The following PLXDC2 variants were observed in gnomAD, a reference collection of about 807,000 sequenced individuals.
The protein encoded by PLXDC2 is plexin domain containing 2, also known as plexin domain-containing protein 2.
Under a neutral mutation model 68.9 loss-of-function variants are expected in PLXDC2, and 40 were observed. The observed-to-expected ratio is 0.58, with a 90% CI of 0.45 to 0.76. The LOEUF is 0.76. PLXDC2 is among the 30% of genes least tolerant of loss of function. The pLI is 0.00. For missense variants in PLXDC2, 644 were observed against 661.9 expected (o/e 0.97, Z 0.30); for synonymous variants, 243 against 234.2 (o/e 1.04, Z -0.34).
At chr10:20,244,715 T>C (rs974850513) in intron 12 of PLXDC2, among the ~76,000 whole-genome samples, 1 of 152,212 alleles carries the variant, frequency 6.6e-6, no homozygotes, top group African/African-American at 2.4e-5. Flanking sequence ...TTTGGTGGTT[T>C]AATGAGAAAA....
chr10:20,058,082 T>C (rs1252282228), intron 3 of PLXDC2, among the ~76,000 whole-genome samples: 2 of 152,160 alleles, frequency 1.3e-5, no homozygotes, highest in Non-Finnish European at 2.9e-5. Context: ...AAACAGCAAT[T>C]GAATTTTGAA....
chr10:19,872,304 C>G (rs191024604), intron 1 of PLXDC2, among the ~76,000 whole-genome samples: 34 of 152,262 alleles, frequency 2.2e-4, no homozygotes, highest in Admixed American at 4.6e-4. Flanking sequence ...CACCTCAAAG[C>G]AGGATTGAAA....
chr10:20,199,381 T>C (rs1834887370), intron 9 of PLXDC2, among the ~76,000 whole-genome samples: 2 of 151,968 alleles, frequency 1.3e-5, no homozygotes, highest in African/African-American at 4.8e-5. Flanking sequence ...CATTTTTATG[T>C]AGCATAATTC....
At chr10:20,048,581 C>T (rs1299453551) in intron 3 of PLXDC2, among the ~76,000 whole-genome samples, 2 of 152,074 alleles carry the variant, frequency 1.3e-5, no homozygotes, top group African/African-American at 4.8e-5. Context: ...AAATATACTT[C>T]GTGGAATTTT....
intron 4 of PLXDC2, among the ~76,000 whole-genome samples, chr10:20,138,928 A>G (rs1360627645): frequency 6.6e-6 from 1 of 152,160 alleles, no homozygotes; most frequent in Non-Finnish European, 1.5e-5. Context: ...AAAAAAAACA[A>G]AAAGGAATAT....
At chr10:19,835,227 A>G (rs964903611) in intron 1 of PLXDC2, among the ~76,000 whole-genome samples, 1 of 152,194 alleles carries the variant, frequency 6.6e-6, no homozygotes, top group African/African-American at 2.4e-5. Flanking sequence ...CACCGCACCC[A>G]GACAGGTTTT....
chr10:20,159,096 A>G (rs768993167), intron 6 of PLXDC2, among the ~76,000 whole-genome samples: 3 of 152,182 alleles, frequency 2.0e-5, no homozygotes, highest in Non-Finnish European at 4.4e-5. Flanking sequence ...AATGGAGAAC[A>G]TTTGAAGCCA....
chr10:20,049,774 T>C (rs1487341533), intron 3 of PLXDC2, among the ~76,000 whole-genome samples: 2 of 152,132 alleles, frequency 1.3e-5, no homozygotes, highest in Non-Finnish European at 2.9e-5. Context: ...ATCATTAAAA[T>C]GGTCATACTG....
At chr10:20,046,756 T>G in intron 2 of PLXDC2, 113 bp from the exon 3 acceptor site, 1 of 1,057,524 alleles carries the variant, frequency 9.5e-7, no homozygotes, top group Non-Finnish European at 1.3e-6. Context: ...TATAGTTAAA[T>G]CATTTTGCTC....
intron 2 of PLXDC2, among the ~76,000 whole-genome samples, chr10:20,032,632 A>G (rs772877707): frequency 1.9e-4 from 29 of 152,160 alleles, no homozygotes; most frequent in Middle Eastern, 3.4e-3. Context: ...AAAAATTTTG[A>G]TAACTACAAG....
intron 1 of PLXDC2, among the ~76,000 whole-genome samples, chr10:19,851,925 G>T (rs564739921): frequency 1.3e-5 from 2 of 152,284 alleles, no homozygotes; most frequent in South Asian, 4.2e-4. Flanking sequence ...GTAAGGAGCA[G>T]TGATTTTAAT....
intron 9 of PLXDC2, among the ~76,000 whole-genome samples, chr10:20,198,047 G>C (rs74400184): frequency 8.6e-5 from 13 of 152,000 alleles, no homozygotes; most frequent in African/African-American, 2.9e-4. Flanking sequence ...CTGTCCTAAA[G>C]GTGGGTGCTG....
intron 13 of PLXDC2, among the ~76,000 whole-genome samples, chr10:20,278,883 G>A (rs778664876): frequency 6.6e-5 from 10 of 152,190 alleles, no homozygotes; most frequent in Non-Finnish European, 1.3e-4. Context: ...CACTATGGCT[G>A]TGAAATGCAT....
chr10:19,824,123 T>A (rs1467131943), intron 1 of PLXDC2, among the ~76,000 whole-genome samples: 1 of 152,104 alleles, frequency 6.6e-6, no homozygotes, highest in Non-Finnish European at 1.5e-5. Context: ...CATGAGAAAA[T>A]GAGAAAGAGA....
chr10:20,048,760 A>C (rs1171985111), intron 3 of PLXDC2, among the ~76,000 whole-genome samples: 1 of 152,054 alleles, frequency 6.6e-6, no homozygotes, highest in Non-Finnish European at 1.5e-5. Context: ...CCGCCCCCCA[A>C]GGTAAGACAG....
At chr10:20,221,492 G>A (rs903496786) in intron 12 of PLXDC2, among the ~76,000 whole-genome samples, 3 of 152,106 alleles carry the variant, frequency 2.0e-5, no homozygotes, top group Non-Finnish European at 1.5e-5. Context: ...TGTTAACAAA[G>A]CACTTTTCCT....
At chr10:20,261,187 C>T (rs1835804877) in intron 13 of PLXDC2, among the ~76,000 whole-genome samples, 3 of 152,170 alleles carry the variant, frequency 2.0e-5, no homozygotes, top group African/African-American at 7.2e-5. Flanking sequence ...AGAAGCGTTA[C>T]AGTTTTATGT....
intron 2 of PLXDC2, among the ~76,000 whole-genome samples, chr10:20,009,435 C>T (rs1835074651): frequency 6.6e-6 from 1 of 152,012 alleles, no homozygotes; most frequent in Admixed American, 6.6e-5. Flanking sequence ...TAACATGTGG[C>T]TGCAAAATCA....
At chr10:19,887,074 A>G (rs530051786) in intron 1 of PLXDC2, among the ~76,000 whole-genome samples, 1 of 152,330 alleles carries the variant, frequency 6.6e-6, no homozygotes, top group African/African-American at 2.4e-5. Flanking sequence ...GGTTCCCAGA[A>G]CACCCTACTT....
Sources: gnomAD v4.1 joint callset for allele counts (sites outside exome capture counted in the v4.1 genomes callset) on GRCh38, gnomAD v4.1.1 for gene constraint, MANE v1.5 for transcripts, NCBI Gene and HGNC (gene_info 2026-07-23, HGNC 2026-07-21) for gene names.